RASGRP2: variants seen among roughly 807,000 people sequenced by gnomAD.
The protein encoded by RASGRP2 is RAS guanyl releasing protein 2.
A neutral mutation model predicts 71.0 loss-of-function variants in RASGRP2; 44 were observed. The observed-to-expected ratio is 0.62, with a 90% CI of 0.49 to 0.80. The LOEUF (loss-of-function observed/expected upper bound fraction) is 0.80, where lower values mean the gene tolerates loss of function less well. RASGRP2 is among the 30% of genes least tolerant of loss of function. The pLI is 0.00. For missense variants in RASGRP2, 663 were observed against 813.4 expected (o/e 0.82, Z 2.25); for synonymous variants, 350 against 330.7 (o/e 1.06, Z -0.63).
At position 64,743,952 on chromosome 11, in the gene RASGRP2, G is replaced by T. The variant is rs1052319950; in HGVS notation, c.-72+51C>A. The T allele has an allele frequency of 2.0e-6, 2 of 1,001,854 alleles. No individual in the cohort carries two copies. The highest frequency in any genetic ancestry group is 2.4e-6 in the Non-Finnish European group (2 of 836,916). The allele number at this position is 1,001,854 out of a possible 1,614,324, so 62.1% of individuals were successfully genotyped here. A position where few individuals can be genotyped will look rare whatever the true frequency, so the allele number is the denominator to read the frequency against. ...CATCCTCCGTCTCTCACACACAATGGCACCCACACCCTGTGCACACCTGCA... is the reference window on the plus strand; with the variant it reads ...CATCCTCCGTCTCTCACACACAATGTCACCCACACCCTGTGCACACCTGCA... On this transcript the variant is annotated intron_variant, in intron 1 of 16. Coordinates refer to ENST00000394432, the MANE Select transcript of RASGRP2 (RefSeq NM_001098671.2). The surrounding 1 kb of genome is among the most constrained non-coding windows in gnomAD (Gnocchi z 4.9).
intron 4 of RASGRP2, 86 bp from the exon 5 acceptor site, chr11:64,741,165 C>T (rs1032311200): frequency 6.6e-7 from 1 of 1,524,142 alleles, no homozygotes; most frequent in African/African-American, 1.4e-5. Flanking sequence ...TTATAGTCAC[C>T]TAAGCAAAAA....
At chr11:64,734,627 T>C (rs553737037) in intron 12 of RASGRP2, among the ~76,000 whole-genome samples, 2 of 152,296 alleles carry the variant, frequency 1.3e-5, no homozygotes, top group East Asian at 3.9e-4. Flanking sequence ...TGGAGTTTTT[T>C]CTGCTCAGCA....
Position 64,735,213 on chromosome 11 carries a change from G to C in RASGRP2, c.1311C>G (p.Asn437Lys). 1 of 1,614,158 alleles carries C rather than the reference G, an allele frequency of 6.2e-7. No individual in the cohort carries two copies. The highest frequency in any genetic ancestry group is 8.5e-7 in the Non-Finnish European group (1 of 1,180,002). The change falls in exon 12 of 17, where the codon AAC (asparagine) becomes AAG (lysine). Residue 437 changes from asparagine (N) to lysine (K), a missense_variant. By Grantham distance (94) the Asn-to-Lys change is moderately conservative. Transcript: ENST00000394432. The surrounding 1 kb of genome is among the most constrained non-coding windows in gnomAD (Gnocchi z 4.2). ...TGTGGCCATCCCCATCGACGTCAAA[G>C]TTCCGGAACACAGACTGGGGCACGC... ...IEKMVESVFR[N>K]FDVDGDGHIS... is the part of the protein sequence containing the mutation.
At position 64,735,597 on chromosome 11, in the gene RASGRP2, G is replaced by A; in HGVS notation, c.1241C>T (p.Ala414Val). The A allele has an allele frequency of 6.2e-7, 1 of 1,614,082 alleles. No individual in the cohort carries two copies. Among genetic ancestry groups the A allele is most frequent in the Non-Finnish European group, 8.5e-7 (1 of 1,180,014 alleles). Residue 414 changes from alanine (A) to valine (V), a missense_variant, in exon 11 of 17, where the codon GCC becomes GTC. Ala to Val is a moderately conservative substitution (Grantham distance 64, BLOSUM62 0). Transcript: ENST00000394432. The surrounding 1 kb of genome is among the most constrained non-coding windows in gnomAD (Gnocchi z 4.2). ...GAGGGCCTGATCCAGCTTGGGTTTGGCAGCCGAGGTCCACTCCTCCAGTAC... is the reference window on the plus strand; with the variant it reads ...GAGGGCCTGATCCAGCTTGGGTTTGACAGCCGAGGTCCACTCCTCCAGTAC... ...PPVLEEWTSA[A>V]KPKLDQALVV...
At chr11:64,738,710 A>G (rs1012243076) in intron 8 of RASGRP2, among the ~76,000 whole-genome samples, 4 of 152,134 alleles carry the variant, frequency 2.6e-5, no homozygotes, top group African/African-American at 9.7e-5. Context: ...AAGTGCTGGG[A>G]TTACAGGTGT....
chr11:64,744,217 C>T, upstream of RASGRP2: 1 of 985,934 alleles, frequency 1.0e-6, no homozygotes, highest in Non-Finnish European at 1.2e-6. Context: ...CGTCGCCCCC[C>T]TCCCATTTGC....
At position 64,739,833 on chromosome 11, in the gene RASGRP2, A is replaced by C; in HGVS notation, c.523-24T>G. 6.2e-7 allele frequency: 1 copy of C among 1,613,146 alleles called. No individual in the cohort carries two copies. The highest frequency in any genetic ancestry group is 8.5e-7 in the Non-Finnish European group (1 of 1,179,788). On this transcript the variant is annotated intron_variant, in intron 6 of 16. Transcript: ENST00000394432. The surrounding 1 kb of genome is among the most constrained non-coding windows in gnomAD (Gnocchi z 4.2). ...AACTGGGGGCATGAGGAGTGGCCTC[A>C]GCACCTTGCTGGCCTCTCCCCTCAC... is the stretch of plus-strand genomic sequence containing the variant.
chr11:64,734,395 C>T (rs2057863682), intron 12 of RASGRP2, among the ~76,000 whole-genome samples: 1 of 151,912 alleles, frequency 6.6e-6, no homozygotes, highest in African/African-American at 2.4e-5. Flanking sequence ...TGAATTGATC[C>T]TGCCAACTCA....
rs117113441 is a variant in RASGRP2, at chr11:64,735,302, C to T, written c.1297-75G>A. Reference sequence around the variant, plus strand: ...GGACATCAGGTCCTGTCCCTTCCCACGTTCCCAGTCCATTTGATGAGGTGT... The same window carrying T: ...GGACATCAGGTCCTGTCCCTTCCCATGTTCCCAGTCCATTTGATGAGGTGT... On this transcript the variant is annotated intron_variant, in intron 11 of 16. Coordinates refer to ENST00000394432, the MANE Select transcript of RASGRP2 (RefSeq NM_001098671.2). This position sits in a 1 kb window ranked among gnomAD's most constrained non-coding sequence, Gnocchi z 4.2. 1.6e-3 allele frequency: 2,113 copies of T among 1,330,000 alleles called. 52 individuals are homozygous for T. In the East Asian group the frequency reaches 0.046, roughly 29 times the overall value. 82.4% of individuals were successfully genotyped at this position (1,330,000 alleles called of 1,614,324 possible). A position where few individuals can be genotyped will look rare whatever the true frequency, so the allele number is the denominator to read the frequency against.
intron 14 of RASGRP2, 73 bp from the exon 15 acceptor site, chr11:64,729,115 T>A (rs559977): frequency 1.4e-6 from 2 of 1,463,384 alleles, no homozygotes; most frequent in African/African-American, 1.4e-5. Context: ...CGCAGGCTTG[T>A]GCCCCCCTAC....
Position 64,739,569 on chromosome 11 carries a change from G to A in RASGRP2, c.696+67C>T, listed in dbSNP as rs540105243. On this transcript the variant is annotated intron_variant, in intron 7 of 16. Coordinates refer to ENST00000394432, the MANE Select transcript of RASGRP2 (RefSeq NM_001098671.2). This position sits in a 1 kb window ranked among gnomAD's most constrained non-coding sequence, Gnocchi z 4.2. ...CTAGAGAGAAGGCAGTGGGTTAGGGGAAGGGAAGGGTTGGCCTGACTGGCA... is the reference window on the plus strand; with the variant it reads ...CTAGAGAGAAGGCAGTGGGTTAGGGAAAGGGAAGGGTTGGCCTGACTGGCA... 2 of 1,611,478 alleles carry A rather than the reference G, an allele frequency of 1.2e-6. No homozygotes were observed. The highest frequency in any genetic ancestry group is 2.7e-5 in the African/African-American group (2 of 75,010).
chr11:64,729,878 A>AG (rs1435220108), intron 13 of RASGRP2, 80 bp from the exon 14 acceptor site: 1 of 1,587,274 alleles, frequency 6.3e-7, no homozygotes, highest in African/African-American at 1.3e-5. Flanking sequence ...GGGTGAGACT[A>AG]GGGCTTTAGA....
intron 15 of RASGRP2, among the ~76,000 whole-genome samples, chr11:64,727,921 T>C (rs1190511850): frequency 2.6e-5 from 4 of 152,232 alleles, no homozygotes; most frequent in Admixed American, 1.3e-4. Context: ...TTTGTGTGTA[T>C]TTCACATTTT....
rs2058067383 is a variant in RASGRP2 at position 64,739,970 on chromosome 11, C to T, written c.522+43G>A. 5 of 1,613,680 alleles carry T rather than the reference C, an allele frequency of 3.1e-6. No individual in the cohort carries two copies. Among genetic ancestry groups the T allele is most frequent in the Non-Finnish European group, 4.2e-6 (5 of 1,179,982 alleles). On this transcript the variant is annotated intron_variant, in intron 6 of 16. Transcript: ENST00000394432. This position sits in a 1 kb window ranked among gnomAD's most constrained non-coding sequence, Gnocchi z 4.2. The stretch of plus-strand genomic sequence containing the variant: ...CCCTGCCCCTCCTAGAACTCTCTTC[C>T]AGCCCACATTGGACCCCTGACCCCC...
At chr11:64,731,980 C>T (rs2057779061) in intron 12 of RASGRP2, among the ~76,000 whole-genome samples, 1 of 152,148 alleles carries the variant, frequency 6.6e-6, no homozygotes, top group Admixed American at 6.5e-5. Context: ...AGTAAAAGGA[C>T]GTTCATGGCA....
At chr11:64,728,803 T>C (rs1376873533) in intron 15 of RASGRP2, 60 bp downstream of exon 15, 4 of 1,469,638 alleles carry the variant, frequency 2.7e-6, no homozygotes, top group Non-Finnish European at 2.8e-6. Flanking sequence ...CCTGCGTTCT[T>C]TGCCCCAGTA....
At chr11:64,737,871 TG>T (rs748909677) in intron 8 of RASGRP2, among the ~76,000 whole-genome samples, 2 of 151,258 alleles carry the variant, frequency 1.3e-5, no homozygotes, top group Admixed American at 6.6e-5. Context: ...CTCGGCAACA[TG>T]GTGAAAGCCT....
intron 5 of RASGRP2, 74 bp downstream of exon 5, chr11:64,740,874 A>C: frequency 1.3e-6 from 2 of 1,585,046 alleles, no homozygotes; most frequent in Non-Finnish European, 1.7e-6. Flanking sequence ...CATTCAGTTC[A>C]ACAGACATTT....
intron 15 of RASGRP2, 131 bp from the exon 16 acceptor site, chr11:64,727,491 T>C: frequency 1.4e-6 from 1 of 694,076 alleles, no homozygotes; most frequent in Non-Finnish European, 2.5e-6. Flanking sequence ...ATTCCCTGCA[T>C]GACCTCACAG....
Sources: gnomAD v4.1 joint callset for allele counts (sites outside exome capture counted in the v4.1 genomes callset) on GRCh38, gnomAD v4.1.1 for gene constraint, Gnocchi (gnomAD v3.1) non-coding constraint, MANE v1.5 for transcripts, NCBI Gene and HGNC (gene_info 2026-07-23, HGNC 2026-07-21) for gene names.